Variants in STX12 observed in about 807,000 individuals in gnomAD.
STX12 encodes the protein syntaxin 12, also known as syntaxin-12.
In STX12, 17 loss-of-function variants were observed where a neutral mutation model predicts 42.2. That is an observed-to-expected ratio of 0.40 (90% CI 0.28 to 0.60). The LOEUF is 0.60. STX12 is among the 20% of genes least tolerant of loss of function. The pLI is 0.39. For missense variants in STX12, 297 were observed against 330.9 expected (o/e 0.90, Z 0.79); for synonymous variants, 108 against 116.7 (o/e 0.93, Z 0.48).
At chr1:27,819,982 C>A in intron 8 of STX12, 1 of 321,408 alleles carries the variant, frequency 3.1e-6, no homozygotes, top group East Asian at 5.7e-5. Flanking sequence ...TAATATGATA[C>A]CTAAATCTGC....
At position 27,822,458 on chromosome 1, in the gene STX12, A is replaced by G; in HGVS notation, c.*129A>G. Reference sequence around the variant, plus strand: ...CCTGTAATCATTTAGTTAGAAACTAACTACTAACTAGTCTTTGGAATTCGT... The same window carrying G: ...CCTGTAATCATTTAGTTAGAAACTAGCTACTAACTAGTCTTTGGAATTCGT... On this transcript the variant is annotated 3_prime_UTR_variant, in exon 9 of 9. Coordinates refer to ENST00000373943, the MANE Select transcript of STX12 (RefSeq NM_177424.3). 1.6e-6 allele frequency: 1 copy of G among 632,952 alleles called. No homozygotes were observed. Among genetic ancestry groups the G allele is most frequent in the Middle Eastern group, 2.6e-4 (1 of 3,878 alleles). 39.2% of individuals were successfully genotyped at this position (632,952 alleles called of 1,614,324 possible).
At chr1:27,793,999 T>TG (rs1465632909) in intron 3 of STX12, among the ~76,000 whole-genome samples, 3 of 151,590 alleles carry the variant, frequency 2.0e-5, no homozygotes, top group Non-Finnish European at 4.4e-5. Flanking sequence ...TCCTAGTTTT[T>TG]TTTTTTTTTA....
intron 1 of STX12, among the ~76,000 whole-genome samples, chr1:27,782,899 A>G (rs567610193): frequency 1.1e-4 from 16 of 152,224 alleles, no homozygotes; most frequent in Non-Finnish European, 2.2e-4. Context: ...AACAGAATGT[A>G]AACCTAATTT....
intron 2 of STX12, among the ~76,000 whole-genome samples, chr1:27,793,291 C>T (rs1375666738): frequency 2.6e-5 from 4 of 152,280 alleles, no homozygotes; most frequent in African/African-American, 4.8e-5. Flanking sequence ...TTAAAATTCC[C>T]GATCTGTGCT....
chr1:27,788,402 T>TTA (rs1172313786), intron 1 of STX12, among the ~76,000 whole-genome samples: 1 of 152,170 alleles, frequency 6.6e-6, no homozygotes, highest in African/African-American at 2.4e-5. Context: ...CAGGCTGGCG[T>TTA]TAGAGTGTTC....
Position 27,823,919 on chromosome 1 carries a change from A to G in STX12, c.*1590A>G, listed in dbSNP as rs1394634354. The stretch of plus-strand genomic sequence containing the variant: ...AGGTGTAGCTGCCTTTCCTTGAAAA[A>G]CAGTGTGTAGAGATGGCTGAGTGCA... On this transcript the variant is annotated 3_prime_UTR_variant, in exon 9 of 9. Coordinates refer to ENST00000373943, the MANE Select transcript of STX12 (RefSeq NM_177424.3). 1.3e-5 allele frequency: 2 copies of G among 152,108 alleles called. No homozygotes were observed. The highest frequency in any genetic ancestry group is 2.9e-5 in the Non-Finnish European group (2 of 68,008). 9.4% of individuals were successfully genotyped at this position (152,108 alleles called of 1,614,324 possible).
At chr1:27,800,487 TGGTG>T (rs760706933) in intron 3 of STX12, among the ~76,000 whole-genome samples, 1 of 132,016 alleles carries the variant, frequency 7.6e-6, no homozygotes, top group African/African-American at 3.0e-5. Context: ...TGTCAGTATG[TGGTG>T]TGTGTGTGTG....
intron 1 of STX12, among the ~76,000 whole-genome samples, chr1:27,779,207 C>G (rs1408089600): frequency 6.6e-6 from 1 of 152,158 alleles, no homozygotes; most frequent in African/African-American, 2.4e-5. Context: ...TTGCCCCATT[C>G]TAGTTTATAC....
intron 7 of STX12, among the ~76,000 whole-genome samples, chr1:27,819,290 AG>A (rs2088966456): frequency 6.6e-6 from 1 of 150,546 alleles, no homozygotes; most frequent in South Asian, 2.1e-4. Flanking sequence ...AAAAAAAAAA[AG>A]GTAGCAAAAA....
chr1:27,797,561 G>C (rs2088795828), intron 3 of STX12, among the ~76,000 whole-genome samples: 1 of 152,058 alleles, frequency 6.6e-6, no homozygotes, highest in Non-Finnish European at 1.5e-5. Context: ...TTCACTGTAT[G>C]CTTTCTCCTT....
At chr1:27,790,255 C>G (rs533387642) in intron 2 of STX12, among the ~76,000 whole-genome samples, 1 of 152,184 alleles carries the variant, frequency 6.6e-6, no homozygotes, top group African/African-American at 2.4e-5. Flanking sequence ...GTGAGTGTTA[C>G]AGCTCTTTAA....
intron 3 of STX12, among the ~76,000 whole-genome samples, chr1:27,800,269 A>G (rs1478198145): frequency 6.6e-6 from 1 of 151,950 alleles, no homozygotes; most frequent in Non-Finnish European, 1.5e-5. Context: ...CTCTTACTTC[A>G]CTGTCCACCT....
rs763865438 is a variant in STX12 at position 27,822,302 on chromosome 1, T to C, written c.804T>C (p.Ile268=). ...LSVIILILGL[I]IWLVYKTK is the part of the protein sequence containing the mutation. ...TGATTATTCTAATCTTGGGACTTATTATCTGGCTAGTTTATAAAACGAAGT... is the reference window on the plus strand; with the variant it reads ...TGATTATTCTAATCTTGGGACTTATCATCTGGCTAGTTTATAAAACGAAGT... The change falls in exon 9 of 9, where the codon ATT becomes ATC. Residue 268 remains isoleucine (I), a synonymous_variant. Transcript: ENST00000373943. 15 of 1,612,688 alleles carry C rather than the reference T, an allele frequency of 9.3e-6. No homozygotes were observed. Among genetic ancestry groups the C allele is most frequent in the Admixed American group, 1.7e-5 (1 of 60,000 alleles).
intron 7 of STX12, among the ~76,000 whole-genome samples, chr1:27,818,341 A>G (rs1571534303): frequency 6.6e-6 from 1 of 151,814 alleles, no homozygotes; most frequent in African/African-American, 2.4e-5. Flanking sequence ...AGATTGCGCC[A>G]CTGTATTCCA....
At chr1:27,797,400 G>A (rs577032252) in intron 3 of STX12, among the ~76,000 whole-genome samples, 4 of 151,806 alleles carry the variant, frequency 2.6e-5, no homozygotes, top group African/African-American at 4.8e-5. Context: ...TGCCTATCCC[G>A]TCTGCCCTGA....
intron 1 of STX12, among the ~76,000 whole-genome samples, chr1:27,782,804 C>T (rs915618770): frequency 6.6e-6 from 1 of 152,092 alleles, no homozygotes; most frequent in African/African-American, 2.4e-5. Context: ...CCATTGCACT[C>T]CAACCTGGGC....
intron 4 of STX12, among the ~76,000 whole-genome samples, chr1:27,809,627 T>C (rs1389321514): frequency 2.6e-5 from 4 of 151,956 alleles, no homozygotes; most frequent in African/African-American, 9.6e-5. Context: ...CAGCTAATTT[T>C]TTTTGTATTT....
Position 27,824,078 on chromosome 1 carries a change from G to A in STX12, c.*1749G>A, listed in dbSNP as rs1389317746. The A allele has an allele frequency of 6.6e-6, 1 of 151,726 alleles. No homozygotes were observed. Among genetic ancestry groups the A allele is most frequent in the East Asian group, 1.9e-4 (1 of 5,186 alleles). 9.4% of individuals were successfully genotyped at this position (151,726 alleles called of 1,614,324 possible). ...ACCCCATCTCCATTTTTTTTTTAAT[G>A]ATTTTTTAATTAAAAAAAAGAACAA... On this transcript the variant is annotated 3_prime_UTR_variant, in exon 9 of 9. Coordinates refer to ENST00000373943, the MANE Select transcript of STX12 (RefSeq NM_177424.3).
At chr1:27,809,009 A>G (rs2088883308) in intron 4 of STX12, among the ~76,000 whole-genome samples, 1 of 152,202 alleles carries the variant, frequency 6.6e-6, no homozygotes, top group Non-Finnish European at 1.5e-5. Context: ...TTAAATCAAA[A>G]TCTGCCACGA....
Sources: gnomAD v4.1 joint callset for allele counts (sites outside exome capture counted in the v4.1 genomes callset) on GRCh38, gnomAD v4.1.1 for gene constraint, MANE v1.5 for transcripts, NCBI Gene and HGNC (gene_info 2026-07-23, HGNC 2026-07-21) for gene names.